Variants in SLC30A9 observed in about 807,000 individuals in gnomAD.
SLC30A9 encodes the protein solute carrier family 30 member 9, also known as proton-coupled zinc antiporter SLC30A9, mitochondrial.
Under a neutral mutation model 87.5 loss-of-function variants are expected in SLC30A9, and 58 were observed. The observed-to-expected ratio is 0.66, with a 90% CI of 0.54 to 0.82. SLC30A9 has a LOEUF of 0.82. SLC30A9 is among the 40% of genes least tolerant of loss of function. SLC30A9 has a pLI of 0.00. For synonymous variants in SLC30A9, 234 were observed against 233.0 expected (o/e 1.00, Z -0.04); for missense variants, 557 against 679.1 (o/e 0.82, Z 2.00).
At chr4:42,036,382 A>G (rs1188307751) in intron 7 of SLC30A9, among the ~76,000 whole-genome samples, 1 of 152,180 alleles carries the variant, frequency 6.6e-6, no homozygotes, top group African/African-American at 2.4e-5. Flanking sequence ...GGACACATGT[A>G]GAAAGTTTGC....
At chr4:42,035,383 T>A in intron 7 of SLC30A9, 50 bp downstream of exon 7, 1 of 1,582,040 alleles carries the variant, frequency 6.3e-7, no homozygotes, top group Non-Finnish European at 8.6e-7. Flanking sequence ...ACAGCAAAAT[T>A]CTAATATCAG....
rs1406564329 is a variant in SLC30A9 at position 42,021,911 on chromosome 4, T to C, written c.435-927T>C. 4.2e-5 allele frequency among the ~76,000 whole-genome samples: 6 copies of C among 141,394 alleles called. 1 individual carries two copies. The highest frequency in any genetic ancestry group is 1.4e-4 in the Admixed American group (2 of 14,096). 92.8% of individuals were successfully genotyped at this position (141,394 alleles called of 152,430 possible). On this transcript the variant is annotated intron_variant, in intron 4 of 17. Transcript: ENST00000264451. ...GACTATGGCTGTGCGCCACCACGCC[T>C]GGCTAATTTTTTTTTTTTTTTTTTT...
In SLC30A9 at chr4:42,090,338, AAG is replaced by A. The variant is rs1719050432; in HGVS notation, c.*4214_*4215del. 6.6e-6 allele frequency: 1 copy of A among 152,194 alleles called. No individual in the cohort carries two copies. The highest frequency in any genetic ancestry group is 1.5e-5 in the Non-Finnish European group (1 of 68,028). 9.4% of individuals were successfully genotyped at this position (152,194 alleles called of 1,614,324 possible). A position where few individuals can be genotyped will look rare whatever the true frequency, so the allele number is the denominator to read the frequency against. On this transcript the variant is annotated 3_prime_UTR_variant, in exon 18 of 18. Coordinates refer to ENST00000264451, the MANE Select transcript of SLC30A9 (RefSeq NM_006345.4). ...ATCCTTAGACTTGGCTTTATGCAAA[AAG>A]AAAATTTTTATTCGTTATATTGTAT... is the stretch of plus-strand genomic sequence containing the variant.
chr4:42,073,141 T>TA (rs1718383588), intron 15 of SLC30A9, among the ~76,000 whole-genome samples: 1 of 152,162 alleles, frequency 6.6e-6, no homozygotes, highest in Non-Finnish European at 1.5e-5. Flanking sequence ...CCCAAAGTGC[T>TA]AGGTGTGAGC....
At chr4:42,062,798 T>C (rs193088271) in intron 10 of SLC30A9, among the ~76,000 whole-genome samples, 188 bp from the exon 11 acceptor site, 6 of 152,344 alleles carry the variant, frequency 3.9e-5, no homozygotes, top group African/African-American at 1.2e-4. Context: ...ACTTTATGTA[T>C]TTTCAAAATT....
At chr4:42,048,386 T>C (rs1043747750) in intron 8 of SLC30A9, among the ~76,000 whole-genome samples, 1 of 152,132 alleles carries the variant, frequency 6.6e-6, no homozygotes, top group Non-Finnish European at 1.5e-5. Flanking sequence ...ATAAATATGA[T>C]GTTTTTAAGA....
In SLC30A9 at chr4:42,005,159, G is replaced by C. The variant is rs567112228; in HGVS notation, c.274+3379G>C. 3.9e-5 allele frequency among the ~76,000 whole-genome samples: 6 copies of C among 152,014 alleles called. No individual in the cohort carries two copies. In the East Asian group the frequency reaches 9.7e-4, roughly 25 times the overall value. ...CTTTTTTGCTCTTATTCATGATGTC[G>C]TACCTGTGTTTTATAACTGTGAGTT... On this transcript the variant is annotated intron_variant, in intron 2 of 17. Transcript: ENST00000264451.
intron 9 of SLC30A9, among the ~76,000 whole-genome samples, chr4:42,058,100 CAAAAA>C (rs35993518): frequency 1.8e-5 from 2 of 109,780 alleles, no homozygotes; most frequent in African/African-American, 3.7e-5. Context: ...GACTTTGTCT[CAAAAA>C]AAAAAAAAAA....
chr4:42,022,647 T>A (rs568486272), intron 4 of SLC30A9, among the ~76,000 whole-genome samples, 191 bp from the exon 5 acceptor site: 6 of 152,182 alleles, frequency 3.9e-5, no homozygotes, highest in South Asian at 2.1e-4. Context: ...TCAAGAGTAA[T>A]TTTTTTTCAC....
intron 1 of SLC30A9, among the ~76,000 whole-genome samples, chr4:42,001,368 A>G (rs1448188439): frequency 6.6e-6 from 1 of 152,030 alleles, no homozygotes; most frequent in African/African-American, 2.4e-5. Context: ...AGTATCTATT[A>G]TGTACTATAT....
At chr4:42,031,662 AACTG>A (rs1716443442) in intron 6 of SLC30A9, among the ~76,000 whole-genome samples, 1 of 152,252 alleles carries the variant, frequency 6.6e-6, no homozygotes, top group African/African-American at 2.4e-5. Context: ...AAGGAATACT[AACTG>A]AATCCCAATT....
At chr4:41,994,777 A>G (rs1405842669) in intron 1 of SLC30A9, among the ~76,000 whole-genome samples, 1 of 147,380 alleles carries the variant, frequency 6.8e-6, no homozygotes, top group Non-Finnish European at 1.5e-5. Context: ...AATGACAGCT[A>G]CTCAGGAGGC....
At chr4:42,001,129 A>C (rs1297469849) in intron 1 of SLC30A9, among the ~76,000 whole-genome samples, 2 of 152,096 alleles carry the variant, frequency 1.3e-5, no homozygotes, top group East Asian at 3.8e-4. Context: ...GCATCTCACC[A>C]AATGTTGATC....
intron 6 of SLC30A9, chr4:42,029,389 A>G: frequency 1.6e-6 from 1 of 614,850 alleles, no homozygotes; most frequent in South Asian, 1.4e-5. Flanking sequence ...GCTGCTCACC[A>G]TCAGTGAATT....
At position 41,990,826 on chromosome 4, in the gene SLC30A9, G is replaced by C; in HGVS notation, c.109+66G>C. 3 of 1,195,134 alleles carry C rather than the reference G, an allele frequency of 2.5e-6. No individual in the cohort carries two copies. The East Asian group carries it at 7.4e-5, about 30-fold the overall frequency. The allele number at this position is 1,195,134 out of a possible 1,614,324, so 74.0% of individuals were successfully genotyped here. ...ACTGGAGGGCCAGGCTGGGCTCGGCGCCTCGCCTGGGGCAATTCGCCCACT... is the reference window on the plus strand; with the variant it reads ...ACTGGAGGGCCAGGCTGGGCTCGGCCCCTCGCCTGGGGCAATTCGCCCACT... On this transcript the variant is annotated intron_variant, in intron 1 of 17. Coordinates refer to ENST00000264451, the MANE Select transcript of SLC30A9 (RefSeq NM_006345.4).
intron 9 of SLC30A9, among the ~76,000 whole-genome samples, chr4:42,056,868 C>T (rs974829509): frequency 6.6e-6 from 1 of 152,088 alleles, no homozygotes; most frequent in African/African-American, 2.4e-5. Context: ...CTCCATTTGG[C>T]GACATTGGGT....
chr4:42,070,307 T>A, intron 14 of SLC30A9: 1 of 429,702 alleles, frequency 2.3e-6, no homozygotes, highest in African/African-American at 2.0e-5. Context: ...AAGTAAGAGA[T>A]CTTAATTATG....
intron 9 of SLC30A9, among the ~76,000 whole-genome samples, chr4:42,052,851 A>G (rs1378681652): frequency 6.6e-6 from 1 of 152,222 alleles, no homozygotes; most frequent in Non-Finnish European, 1.5e-5. Flanking sequence ...CACAGAAACA[A>G]TATCATAAAA....
At chr4:42,031,821 G>A (rs909306794) in intron 6 of SLC30A9, among the ~76,000 whole-genome samples, 1 of 152,094 alleles carries the variant, frequency 6.6e-6, no homozygotes, top group Non-Finnish European at 1.5e-5. Flanking sequence ...GTTATTTCTT[G>A]CTATACCTTC....
Sources: allele counts gnomAD v4.1 joint callset (sites outside exome capture counted in the v4.1 genomes callset), GRCh38; gene constraint gnomAD v4.1.1; transcripts MANE v1.5; gene names NCBI Gene and HGNC (gene_info 2026-07-23, HGNC 2026-07-21).